The following FHIT variants were observed in gnomAD, a reference collection of about 807,000 sequenced individuals.
The protein encoded by FHIT is fragile histidine triad diadenosine triphosphatase.
In FHIT, 19 loss-of-function variants were observed where a neutral mutation model predicts 17.9. The observed-to-expected ratio is 1.06, with a 90% confidence interval of 0.74 to 1.56. The LOEUF is 1.56. Among genes scored for constraint, FHIT ranks in the 40% most tolerant of loss-of-function variants. The probability of loss-of-function intolerance (pLI) is 0.00; values close to 1 mark genes in which losing one functional copy is unlikely to be tolerated. For missense variants in FHIT, 248 were observed against 189.2 expected, an observed-to-expected ratio of 1.31 and a Z score of -1.82; for synonymous variants, 81 against 69.7, an observed-to-expected ratio of 1.16 and a Z score of -0.81.
At chr3:60,255,984 C>A (rs1576377071) in intron 5 of FHIT, among the ~76,000 whole-genome samples, 2 of 152,244 alleles carry the variant, frequency 1.3e-5, no homozygotes, top group African/African-American at 4.8e-5. Flanking sequence ...TAAACTGGGT[C>A]GGCTTGCAAG....
In FHIT at chr3:59,857,709, T is replaced by TTTTTTTTG. The variant is rs1553697981; in HGVS notation, c.348+64636_348+64637insCAAAAAAA. Among the ~76,000 whole-genome samples, 31 of 148,594 alleles carry TTTTTTTTG rather than the reference T, an allele frequency of 2.1e-4. No homozygotes were observed. In the South Asian group the frequency reaches 5.9e-3, roughly 28 times the overall value. ...CTATGCTGTGCAAAGTGCTGGGTTT[T>TTTTTTTTG]TTTTTTTTTTTTTGTATCCTAAGGG... is the stretch of plus-strand genomic sequence containing the variant. On this transcript the variant is annotated intron_variant, in intron 8 of 9. Transcript: ENST00000492590.
chr3:61,123,675 A>G (rs2036527265), intron 2 of FHIT, among the ~76,000 whole-genome samples: 1 of 152,094 alleles, frequency 6.6e-6, no homozygotes, highest in Non-Finnish European at 1.5e-5. Flanking sequence ...TATCCCCCAC[A>G]TTATGCTTGC....
At chr3:59,951,951 A>C (rs970538955) in intron 7 of FHIT, among the ~76,000 whole-genome samples, 2 of 151,892 alleles carry the variant, frequency 1.3e-5, no homozygotes, top group Non-Finnish European at 2.9e-5. Flanking sequence ...TGAGCATGCC[A>C]ATCTCTTTTT....
intron 3 of FHIT, among the ~76,000 whole-genome samples, chr3:61,005,047 T>C (rs536429611): frequency 1.3e-5 from 2 of 152,298 alleles, no homozygotes; most frequent in East Asian, 3.9e-4. Flanking sequence ...GGGTGGCTAG[T>C]ATGATTGCAG....
chr3:60,526,137 T>TACACACACACAC lies in FHIT; in HGVS notation c.103+10711_103+10722dup, dbSNP rs59137290. Among the ~76,000 whole-genome samples, 245 of 148,154 alleles carry TACACACACACAC rather than the reference T, an allele frequency of 1.7e-3. 1 individual carries two copies. The highest frequency in any genetic ancestry group is 5.4e-3 in the African/African-American group (216 of 40,006). ...AACACAAAATGAAACACACAACACA[T>TACACACACACAC]ACACACACACACACACACACACACA... On this transcript the variant is annotated intron_variant, in intron 5 of 9. Coordinates refer to ENST00000492590, the MANE Select transcript of FHIT (RefSeq NM_002012.4).
chr3:60,713,892 C>A (rs1256310937), intron 4 of FHIT, among the ~76,000 whole-genome samples: 55 of 151,360 alleles, frequency 3.6e-4, no homozygotes, highest in African/African-American at 1.2e-3. Flanking sequence ...GAAACTATTC[C>A]AATCAATAGA....
At chr3:60,635,199 A>T (rs782040439) in intron 4 of FHIT, among the ~76,000 whole-genome samples, 1 of 152,244 alleles carries the variant, frequency 6.6e-6, no homozygotes, top group African/African-American at 2.4e-5. Flanking sequence ...AGTCAGAAAT[A>T]TAAAATTACT....
At chr3:59,995,719 C>T (rs946060628) in intron 7 of FHIT, among the ~76,000 whole-genome samples, 1 of 152,080 alleles carries the variant, frequency 6.6e-6, no homozygotes, top group Non-Finnish European at 1.5e-5. Context: ...CCCTAAACCA[C>T]ACATACCTAA....
chr3:59,907,573 G>A (rs1237813831), intron 8 of FHIT, among the ~76,000 whole-genome samples: 2 of 152,218 alleles, frequency 1.3e-5, no homozygotes, highest in Non-Finnish European at 1.5e-5. Flanking sequence ...AAGAAAGAGT[G>A]CATGTGTACA....
At chr3:60,832,671 G>A (rs1211792349) in intron 3 of FHIT, among the ~76,000 whole-genome samples, 1 of 149,394 alleles carries the variant, frequency 6.7e-6, no homozygotes, top group African/African-American at 2.5e-5. Context: ...ATAATGTGCT[G>A]CTTTAAATCA....
chr3:60,661,185 C>T (rs1198514304), intron 4 of FHIT, among the ~76,000 whole-genome samples: 4 of 151,990 alleles, frequency 2.6e-5, no homozygotes, highest in South Asian at 2.1e-4. Context: ...CCCAATTTGT[C>T]GTCTCTCATC....
At chr3:60,494,779 C>T (rs2034224824) in intron 5 of FHIT, among the ~76,000 whole-genome samples, 1 of 152,140 alleles carries the variant, frequency 6.6e-6, no homozygotes, top group African/African-American at 2.4e-5. Context: ...CCTCCAGTTC[C>T]ATTCATGTTG....
At chr3:61,202,531 G>A (rs1452429480) in intron 1 of FHIT, among the ~76,000 whole-genome samples, 1 of 151,556 alleles carries the variant, frequency 6.6e-6, no homozygotes, top group Non-Finnish European at 1.5e-5. Flanking sequence ...AAGAGAGAGA[G>A]AAAGCCAATA....
At chr3:61,075,741 G>T (rs1424690533) in intron 2 of FHIT, among the ~76,000 whole-genome samples, 2 of 151,884 alleles carry the variant, frequency 1.3e-5, no homozygotes, top group East Asian at 3.9e-4. Flanking sequence ...TTATATTTTT[G>T]TTCATTTATC....
intron 3 of FHIT, among the ~76,000 whole-genome samples, chr3:60,933,155 T>G (rs1357396800): frequency 1.3e-5 from 2 of 152,144 alleles, no homozygotes; most frequent in Non-Finnish European, 2.9e-5. Flanking sequence ...TATATTAACT[T>G]CAAAAGGGAA....
At chr3:61,085,697 T>A (rs1467974841) in intron 2 of FHIT, among the ~76,000 whole-genome samples, 2 of 152,134 alleles carry the variant, frequency 1.3e-5, no homozygotes, top group Admixed American at 6.5e-5. Context: ...AATATTTGAC[T>A]AATATAAAGT....
intron 5 of FHIT, among the ~76,000 whole-genome samples, chr3:60,475,874 C>T (rs2611418): frequency 6.6e-6 from 1 of 152,042 alleles, no homozygotes; most frequent in Non-Finnish European, 1.5e-5. Context: ...GGGAAAAAGG[C>T]CCTTCCAGTC....
At chr3:60,731,549 C>G (rs897706349) in intron 4 of FHIT, among the ~76,000 whole-genome samples, 2 of 152,160 alleles carry the variant, frequency 1.3e-5, no homozygotes, top group African/African-American at 4.8e-5. Context: ...GGGTGGCCTG[C>G]ATGCACAGTG....
intron 3 of FHIT, among the ~76,000 whole-genome samples, chr3:60,860,622 T>C (rs1703715687): frequency 1.0e-5 from 1 of 97,464 alleles, no homozygotes; most frequent in South Asian, 3.0e-4. Context: ...TATGTACATA[T>C]ATATCAGGTA....
Sources: allele counts gnomAD v4.1 joint callset (sites outside exome capture counted in the v4.1 genomes callset), GRCh38; gene constraint gnomAD v4.1.1; transcripts MANE v1.5; gene names NCBI Gene and HGNC (gene_info 2026-07-23, HGNC 2026-07-21).